CRTAC1: variants seen among roughly 807,000 people sequenced by gnomAD.
The protein encoded by CRTAC1 is cartilage acidic protein 1.
In CRTAC1, 37 loss-of-function variants were observed where a neutral mutation model predicts 67.8. That is an observed-to-expected ratio of 0.55 (90% CI 0.42 to 0.72). The LOEUF (loss-of-function observed/expected upper bound fraction) is 0.72, where lower values mean the gene tolerates loss of function less well. Ranked by LOEUF, CRTAC1 falls within the 30% of genes least tolerant of loss-of-function variation. The pLI, the probability that CRTAC1 is intolerant of heterozygous loss-of-function variation, is 0.00. For synonymous variants in CRTAC1, 348 were observed against 371.0 expected, an observed-to-expected ratio of 0.94 and a Z score of 0.71; for missense variants, 780 against 931.6, an observed-to-expected ratio of 0.84 and a Z score of 2.12.
intron 2 of CRTAC1, among the ~76,000 whole-genome samples, chr10:97,974,343 A>T (rs964003754): frequency 7.9e-5 from 12 of 152,124 alleles, no homozygotes; most frequent in African/African-American, 2.9e-4. Flanking sequence ...TTTGTTGTAC[A>T]TTTTGTCTCA....
At chr10:97,889,725 C>A (rs542685316) in intron 11 of CRTAC1, among the ~76,000 whole-genome samples, 1 of 152,122 alleles carries the variant, frequency 6.6e-6, no homozygotes, top group Non-Finnish European at 1.5e-5. Flanking sequence ...CTCACACATG[C>A]GCACTGCACC....
In CRTAC1 at chr10:98,022,367, AAAAG is replaced by A. The variant is rs1279603738; in HGVS notation, c.24+8078_24+8081del. On this transcript the variant is annotated intron_variant, in intron 1 of 14. Coordinates refer to ENST00000370597, the MANE Select transcript of CRTAC1 (RefSeq NM_018058.7). ...CAAAACTCCTTCTCAAAAAGAAAAA[AAAAG>A]AAAGAAAGAAAGAAAAAATAAAAGA... Among the ~76,000 whole-genome samples the A allele has an allele frequency of 5.3e-5, 8 of 152,100 alleles. No homozygotes were observed. In the East Asian group the frequency reaches 7.7e-4, roughly 15 times the overall value.
At position 97,884,281 on chromosome 10, in the gene CRTAC1, G is replaced by C; in HGVS notation, c.1557C>G (p.Ser519Arg). The C allele has an allele frequency of 6.4e-7, 1 of 1,557,880 alleles. No homozygotes were observed. The highest frequency in any genetic ancestry group is 8.7e-7 in the Non-Finnish European group (1 of 1,150,236). ...DGKMVSRNVA[S>R]GEMNSVLEIL... The stretch of plus-strand genomic sequence containing the variant: ...TCTCCAGCACTGAGTTCATCTCCCC[G>C]CTGGCCACGTTCCGGCTCACCATCT... The change falls in exon 12 of 15, where the codon AGC (serine) becomes AGG (arginine). Residue 519 changes from serine (S) to arginine (R), a missense_variant. Physicochemically the swap from Ser to Arg is moderately radical, Grantham distance 110. Coordinates refer to ENST00000370597, the MANE Select transcript of CRTAC1 (RefSeq NM_018058.7).
intron 14 of CRTAC1, chr10:97,871,531 A>G (rs2050093506): frequency 6.6e-6 from 1 of 152,248 alleles, no homozygotes; most frequent in Admixed American, 6.5e-5. Flanking sequence ...ACAGATATTT[A>G]TCCAAGGGTT....
chr10:98,001,649 T>C lies in CRTAC1; in HGVS notation c.224+9489A>G, dbSNP rs139438899. Among the ~76,000 whole-genome samples, 429 of 152,282 alleles carry C rather than the reference T, an allele frequency of 2.8e-3. 1 individual carries two copies. The highest frequency in any genetic ancestry group is 0.01 in the Middle Eastern group (3 of 294). On this transcript the variant is annotated intron_variant, in intron 2 of 14. Transcript: ENST00000370597. Reference sequence around the variant, plus strand: ...GTCAGTAAAATACCAGACCCATGCTTTTCCTGCTCTCTATGCCTCCATAAC... The same window carrying C: ...GTCAGTAAAATACCAGACCCATGCTCTTCCTGCTCTCTATGCCTCCATAAC...
At chr10:98,009,514 C>A (rs943651237) in intron 2 of CRTAC1, among the ~76,000 whole-genome samples, 2 of 152,140 alleles carry the variant, frequency 1.3e-5, no homozygotes, top group African/African-American at 2.4e-5. Context: ...GTGAGGCAGG[C>A]CAGTAGATTT....
intron 2 of CRTAC1, among the ~76,000 whole-genome samples, chr10:97,954,151 C>A (rs945409156): frequency 6.6e-6 from 1 of 152,138 alleles, no homozygotes. Context: ...GCAGAACATT[C>A]CTACTAACTT....
rs986528891 is a variant in CRTAC1, at chr10:97,975,313, G to A, written c.224+35825C>T. On this transcript the variant is annotated intron_variant, in intron 2 of 14. Coordinates refer to ENST00000370597, the MANE Select transcript of CRTAC1 (RefSeq NM_018058.7). The surrounding 1 kb of genome is among the most constrained non-coding windows in gnomAD (Gnocchi z 4.8). ...CCCTCACGGAGCACGGGTGCTGCGG[G>A]AGGCGCCAGGGCCGGTTCCTGACCC... 1.3e-5 allele frequency among the ~76,000 whole-genome samples: 2 copies of A among 152,128 alleles called. No individual in the cohort carries two copies. Among genetic ancestry groups the A allele is most frequent in the Admixed American group, 6.5e-5 (1 of 15,286 alleles).
chr10:97,959,222 TA>T (rs1167629816), intron 2 of CRTAC1, among the ~76,000 whole-genome samples: 10 of 152,114 alleles, frequency 6.6e-5, no homozygotes, highest in African/African-American at 2.2e-4. Flanking sequence ...CAAATCTGCA[TA>T]GAATCATACT....
At chr10:98,008,706 TCTTA>T (rs1842847387) in intron 2 of CRTAC1, among the ~76,000 whole-genome samples, 1 of 151,974 alleles carries the variant, frequency 6.6e-6, no homozygotes, top group East Asian at 1.9e-4. Flanking sequence ...ATATCTCAGG[TCTTA>T]CTTTTTTCCA....
At chr10:98,002,841 C>A (rs1259049127) in intron 2 of CRTAC1, among the ~76,000 whole-genome samples, 1 of 118,476 alleles carries the variant, frequency 8.4e-6, no homozygotes, top group Non-Finnish European at 1.6e-5. Context: ...TGCAGAGGTG[C>A]AATCTCCGTT....
At chr10:97,908,312 TG>T (rs753162250) in intron 5 of CRTAC1, among the ~76,000 whole-genome samples, 165 bp from the exon 6 acceptor site, 57 of 152,100 alleles carry the variant, frequency 3.7e-4, no homozygotes, top group Non-Finnish European at 1.8e-4. Context: ...TCTGGGCTCA[TG>T]GTCTCCATGA....
intron 2 of CRTAC1, among the ~76,000 whole-genome samples, chr10:97,960,696 G>A (rs188991972): frequency 5.5e-4 from 83 of 152,280 alleles, no homozygotes; most frequent in Middle Eastern, 6.8e-3. Context: ...TCCACCTTTG[G>A]GGCATGATTC....
chr10:98,013,805 T>G lies in CRTAC1; in HGVS notation c.25-2468A>C, dbSNP rs1399686591. ...AAACATATTTTGAACAAGACAAGCT[T>G]TTCAGCAGGGTTCTACAGTAGTTGC... On this transcript the variant is annotated intron_variant, in intron 1 of 14. Coordinates refer to ENST00000370597, the MANE Select transcript of CRTAC1 (RefSeq NM_018058.7). Among the ~76,000 whole-genome samples the G allele has an allele frequency of 2.6e-5, 4 of 152,362 alleles. No homozygotes were observed. The East Asian group carries it at 7.7e-4, about 29-fold the overall frequency.
intron 14 of CRTAC1, among the ~76,000 whole-genome samples, chr10:97,876,105 C>G (rs1412263415): frequency 6.6e-6 from 1 of 152,180 alleles, no homozygotes; most frequent in Non-Finnish European, 1.5e-5. Flanking sequence ...CAATCCTGCT[C>G]TTGATCCTGG....
chr10:97,868,767 G>C (rs2050056482), intron 14 of CRTAC1: 1 of 152,026 alleles, frequency 6.6e-6, no homozygotes, highest in African/African-American at 2.4e-5. Context: ...TGGGGAGGGG[G>C]TGAGGATTTA....
At chr10:97,886,294 A>G (rs1322275609) in intron 11 of CRTAC1, among the ~76,000 whole-genome samples, 1 of 152,220 alleles carries the variant, frequency 6.6e-6, no homozygotes, top group Non-Finnish European at 1.5e-5. Flanking sequence ...TCACTGGAAC[A>G]TCCCAGCCTT....
At chr10:97,970,352 T>C (rs2051687428) in intron 2 of CRTAC1, among the ~76,000 whole-genome samples, 1 of 152,194 alleles carries the variant, frequency 6.6e-6, no homozygotes, top group African/African-American at 2.4e-5. Flanking sequence ...CCTTTTAAAG[T>C]GCAAGTCGCA....
chr10:97,898,818 T>C (rs1457697824), intron 8 of CRTAC1, among the ~76,000 whole-genome samples: 2 of 151,854 alleles, frequency 1.3e-5, no homozygotes, highest in Non-Finnish European at 1.5e-5. Flanking sequence ...TGAAAGGGGG[T>C]GACCCTGCAC....
Sources: allele counts gnomAD v4.1 joint callset (sites outside exome capture counted in the v4.1 genomes callset), GRCh38; gene constraint gnomAD v4.1.1; non-coding constraint Gnocchi (gnomAD v3.1); transcripts MANE v1.5; gene names NCBI Gene and HGNC (gene_info 2026-07-23, HGNC 2026-07-21).